THSD7B: variants seen among roughly 807,000 people sequenced by gnomAD.
THSD7B encodes the protein thrombospondin type 1 domain containing 7B.
THSD7B carries 138 observed loss-of-function variants against 213.6 expected under a neutral mutation model. That is an observed-to-expected ratio of 0.65 (90% CI 0.56 to 0.74). The LOEUF (loss-of-function observed/expected upper bound fraction) is 0.74, where lower values mean the gene tolerates loss of function less well. Ranked by LOEUF, THSD7B falls within the 30% of genes least tolerant of loss-of-function variation. THSD7B has a pLI of 0.00. For missense variants in THSD7B, 1,931 were observed against 1,991.5 expected (o/e 0.97, Z 0.58); for synonymous variants, 742 against 687.0 (o/e 1.08, Z -1.25).
chr2:137,172,771 C>T (rs893486562), intron 7 of THSD7B, among the ~76,000 whole-genome samples: 7 of 152,080 alleles, frequency 4.6e-5, no homozygotes, highest in Admixed American at 2.0e-4. Context: ...CTGAAGTGAG[C>T]GGCAGTCTTG....
intron 15 of THSD7B, among the ~76,000 whole-genome samples, chr2:137,490,496 C>T (rs769333551): frequency 1.3e-5 from 2 of 152,056 alleles, no homozygotes; most frequent in Non-Finnish European, 2.9e-5. Context: ...CAAAGTTGAG[C>T]AGAAGGTACA....
At position 137,330,901 on chromosome 2, in the gene THSD7B, C is replaced by T. The variant is rs538539752; in HGVS notation, c.2500+54875C>T. On this transcript the variant is annotated intron_variant, in intron 12 of 27. Coordinates refer to ENST00000409968, the MANE Select transcript of THSD7B (RefSeq NM_001316349.2). ...AGCCGAGTGGTCTGTTTTGACAGGG[C>T]GCTGATTGGTGCATTTACAATCCCT... Among the ~76,000 whole-genome samples the T allele has an allele frequency of 1.4e-4, 21 of 152,224 alleles. No homozygotes were observed. The South Asian group carries it at 2.3e-3, about 17-fold the overall frequency.
At chr2:137,406,842 T>C (rs1573607443) in intron 13 of THSD7B, among the ~76,000 whole-genome samples, 2 of 152,336 alleles carry the variant, frequency 1.3e-5, no homozygotes, top group South Asian at 2.1e-4. Context: ...TTGTGCCACA[T>C]GATTTTATGC....
At chr2:137,034,929 A>T (rs1330648374) in intron 2 of THSD7B, among the ~76,000 whole-genome samples, 2 of 152,184 alleles carry the variant, frequency 1.3e-5, no homozygotes, top group African/African-American at 4.8e-5. Flanking sequence ...TAGTAAAATG[A>T]TTTATAATCC....
At chr2:137,036,464 A>C (rs1686778062) in intron 2 of THSD7B, among the ~76,000 whole-genome samples, 1 of 152,198 alleles carries the variant, frequency 6.6e-6, no homozygotes, top group Admixed American at 6.5e-5. Flanking sequence ...ATATATTATC[A>C]TTCTAATGTT....
At chr2:137,164,113 G>T (rs1183756048) in intron 6 of THSD7B, among the ~76,000 whole-genome samples, 1 of 152,112 alleles carries the variant, frequency 6.6e-6, no homozygotes, top group Non-Finnish European at 1.5e-5. Context: ...GATGTATCTA[G>T]TGCCAGTACG....
chr2:137,025,724 A>G (rs1332274886), intron 2 of THSD7B, among the ~76,000 whole-genome samples: 3 of 152,090 alleles, frequency 2.0e-5, no homozygotes, highest in Non-Finnish European at 4.4e-5. Flanking sequence ...GGACTGATAC[A>G]TATCACTTCT....
chr2:136,783,371 T>C (rs1387834769), intron 1 of THSD7B, among the ~76,000 whole-genome samples: 1 of 151,964 alleles, frequency 6.6e-6, no homozygotes, highest in East Asian at 1.9e-4. Flanking sequence ...GGAAACAGAG[T>C]ACATGCCACG....
chr2:136,805,107 A>G (rs536743808), intron 1 of THSD7B, among the ~76,000 whole-genome samples: 1 of 152,364 alleles, frequency 6.6e-6, no homozygotes, highest in African/African-American at 2.4e-5. Context: ...AAATGCTGAA[A>G]GTATAAGTGA....
intron 5 of THSD7B, among the ~76,000 whole-genome samples, chr2:137,149,528 A>G (rs925628754): frequency 2.0e-5 from 3 of 152,194 alleles, no homozygotes; most frequent in African/African-American, 7.2e-5. Flanking sequence ...CAGACACTCA[A>G]TGCCACACTG....
At chr2:137,055,505 G>T (rs1368139137) in intron 2 of THSD7B, among the ~76,000 whole-genome samples, 1 of 152,164 alleles carries the variant, frequency 6.6e-6, no homozygotes, top group Admixed American at 6.5e-5. Flanking sequence ...CTTGTGAAAA[G>T]ATACCAACTT....
intron 5 of THSD7B, among the ~76,000 whole-genome samples, chr2:137,126,026 A>G (rs1443249101): frequency 1.3e-5 from 2 of 152,184 alleles, no homozygotes; most frequent in African/African-American, 4.8e-5. Flanking sequence ...CTGTAAATAG[A>G]TATGTTGGGG....
At chr2:137,594,212 A>G (rs189950682) in intron 17 of THSD7B, among the ~76,000 whole-genome samples, 2 of 152,122 alleles carry the variant, frequency 1.3e-5, no homozygotes, top group Admixed American at 1.3e-4. Flanking sequence ...ATCTAGGCTT[A>G]TATCTCCTGC....
At chr2:137,574,008 G>T (rs1050944501) in intron 17 of THSD7B, among the ~76,000 whole-genome samples, 1 of 152,030 alleles carries the variant, frequency 6.6e-6, no homozygotes, top group African/African-American at 2.4e-5. Flanking sequence ...TTATATTTTA[G>T]AAAGTGTGCT....
intron 2 of THSD7B, among the ~76,000 whole-genome samples, chr2:137,043,432 C>T (rs1306764874): frequency 6.6e-6 from 1 of 152,058 alleles, no homozygotes; most frequent in African/African-American, 2.4e-5. Context: ...TCTCAGTGAC[C>T]TCGGCCTGCT....
intron 12 of THSD7B, among the ~76,000 whole-genome samples, chr2:137,387,073 G>T (rs1685912546): frequency 6.6e-6 from 1 of 152,126 alleles, no homozygotes; most frequent in Non-Finnish European, 1.5e-5. Flanking sequence ...TCCCATTTTG[G>T]GTGCGTTTCT....
chr2:137,538,054 G>T (rs1458512015), intron 15 of THSD7B, among the ~76,000 whole-genome samples: 1 of 151,694 alleles, frequency 6.6e-6, no homozygotes, highest in East Asian at 1.9e-4. Flanking sequence ...AGTTAGTCTG[G>T]TCTATATGTC....
intron 12 of THSD7B, among the ~76,000 whole-genome samples, chr2:137,360,108 T>C (rs1296847554): frequency 1.3e-5 from 2 of 152,228 alleles, no homozygotes; most frequent in African/African-American, 4.8e-5. Context: ...GTTTATGAAC[T>C]TTTTTAATGA....
rs568695293 is a variant in THSD7B at position 137,129,158 on chromosome 2, G to A, written c.1369+13865G>A. 5.9e-5 allele frequency among the ~76,000 whole-genome samples: 9 copies of A among 152,128 alleles called. 1 individual carries two copies. The highest frequency in any genetic ancestry group is 2.1e-4 in the South Asian group (1 of 4,814). ...AGAAGAAGATAATTATTTTCTACTC[G>A]TTTTCAAGTTGCTTGGGGGTGGAAT... On this transcript the variant is annotated intron_variant, in intron 5 of 27. Transcript: ENST00000409968.
Sources: gnomAD v4.1 joint callset for allele counts (sites outside exome capture counted in the v4.1 genomes callset) on GRCh38, gnomAD v4.1.1 for gene constraint, MANE v1.5 for transcripts, NCBI Gene and HGNC (gene_info 2026-07-23, HGNC 2026-07-21) for gene names.